Variants in WWOX observed in about 807,000 individuals in gnomAD.
The protein encoded by WWOX is WW domain containing oxidoreductase.
WWOX carries 69 observed loss-of-function variants against 46.2 expected under a neutral mutation model. The ratio of observed to expected loss-of-function variants is 1.49; its 90% CI spans 1.23 to 1.82. The LOEUF (loss-of-function observed/expected upper bound fraction) is 1.82. WWOX is among the 40% of genes most tolerant of loss of function. The pLI is 0.00. For synonymous variants in WWOX, 359 were observed against 202.6 expected, an observed-to-expected ratio of 1.77 and a Z score of -6.56; for missense variants, 919 against 542.6, an observed-to-expected ratio of 1.69 and a Z score of -6.89.
intron 5 of WWOX, among the ~76,000 whole-genome samples, chr16:78,379,982 A>G (rs2081919848): frequency 4.6e-5 from 7 of 152,234 alleles, no homozygotes; most frequent in Admixed American, 3.9e-4. Flanking sequence ...ATTCATCTTT[A>G]GAGGCAGTGT....
chr16:78,699,230 G>T (rs1400941190), intron 8 of WWOX, among the ~76,000 whole-genome samples: 1 of 152,184 alleles, frequency 6.6e-6, no homozygotes, highest in Non-Finnish European at 1.5e-5. Context: ...GCCTAACTCA[G>T]TTAAACATTA....
At chr16:78,448,228 C>A (rs2151406548) in intron 8 of WWOX, among the ~76,000 whole-genome samples, 1 of 152,194 alleles carries the variant, frequency 6.6e-6, no homozygotes, top group Non-Finnish European at 1.5e-5. Context: ...TGAAGCTGAC[C>A]AAAGGAGCAC....
chr16:79,034,602 C>T (rs1215759114), intron 8 of WWOX, among the ~76,000 whole-genome samples: 1 of 152,124 alleles, frequency 6.6e-6, no homozygotes, highest in African/African-American at 2.4e-5. Context: ...GAGTGATTAT[C>T]TGTTCCTGGA....
chr16:78,101,363 T>TTTTTTTTTTTTTTC (rs1555533361), intron 1 of WWOX, among the ~76,000 whole-genome samples: 2 of 143,422 alleles, frequency 1.4e-5, no homozygotes, highest in East Asian at 4.2e-4. Context: ...TTTTTTTTTT[T>TTTTTTTTTTTTTTC]AAAGACAGGG....
chr16:78,446,924 G>C (rs1344782475), intron 8 of WWOX, among the ~76,000 whole-genome samples: 3 of 152,106 alleles, frequency 2.0e-5, no homozygotes, highest in Non-Finnish European at 4.4e-5. Context: ...GCCTCCCAAA[G>C]TGCTGGGATG....
intron 8 of WWOX, among the ~76,000 whole-genome samples, chr16:78,757,428 C>T (rs528857479): frequency 3.3e-5 from 5 of 152,232 alleles, no homozygotes; most frequent in Admixed American, 1.3e-4. Flanking sequence ...TTCTGTACCT[C>T]TTGCCTCATC....
chr16:79,000,534 C>A (rs1299016872), intron 8 of WWOX, among the ~76,000 whole-genome samples: 1 of 152,068 alleles, frequency 6.6e-6, no homozygotes, highest in Non-Finnish European at 1.5e-5. Context: ...CCTGATGTTA[C>A]CAGCTTTAAA....
At chr16:78,124,692 G>T (rs1472986875) in intron 4 of WWOX, among the ~76,000 whole-genome samples, 1 of 152,180 alleles carries the variant, frequency 6.6e-6, no homozygotes, top group Admixed American at 6.5e-5. Flanking sequence ...GCATAGGAAG[G>T]GTTGCATTGT....
chr16:78,285,712 G>A (rs1319428512), intron 5 of WWOX, among the ~76,000 whole-genome samples: 3 of 152,062 alleles, frequency 2.0e-5, no homozygotes, highest in Admixed American at 1.3e-4. Flanking sequence ...AACAGTAATC[G>A]GCCCATATGT....
chr16:78,862,097 T>TATATCTATACACACCTAC (rs1491464693), intron 8 of WWOX, among the ~76,000 whole-genome samples: 7,769 of 151,702 alleles, frequency 0.051, 308 homozygotes, highest in Middle Eastern at 0.083. Context: ...CGGGTGTGTC[T>TATATCTATACACACCTAC]GTATCTATAC....
At chr16:78,507,194 G>T (rs1001242392) in intron 8 of WWOX, among the ~76,000 whole-genome samples, 1 of 152,178 alleles carries the variant, frequency 6.6e-6, no homozygotes, top group African/African-American at 2.4e-5. Context: ...GAACATGAGT[G>T]ATTTCTGTGT....
intron 8 of WWOX, among the ~76,000 whole-genome samples, chr16:78,867,047 G>A (rs1486558452): frequency 1.3e-5 from 2 of 152,208 alleles, no homozygotes; most frequent in Non-Finnish European, 2.9e-5. Flanking sequence ...CTTTGTGGAA[G>A]GAGAAGGCTT....
At chr16:78,962,256 C>T (rs1041672622) in intron 8 of WWOX, among the ~76,000 whole-genome samples, 2 of 138,910 alleles carry the variant, frequency 1.4e-5, no homozygotes, top group African/African-American at 5.3e-5. Context: ...ATCCCATTAG[C>T]TGAATTCTGT....
intron 8 of WWOX, among the ~76,000 whole-genome samples, chr16:78,813,706 T>C (rs369615435): frequency 1.3e-5 from 2 of 152,200 alleles, no homozygotes; most frequent in Non-Finnish European, 2.9e-5. Context: ...GTTTGTTTTC[T>C]ACTACCTGAT....
intron 5 of WWOX, among the ~76,000 whole-genome samples, chr16:78,322,068 T>G (rs2151884661): frequency 6.6e-6 from 1 of 152,244 alleles, no homozygotes; most frequent in African/African-American, 2.4e-5. Context: ...TGGCTCCTAG[T>G]TGTACAAAAA....
intron 8 of WWOX, among the ~76,000 whole-genome samples, chr16:78,716,057 A>G (rs140738783): frequency 6.6e-6 from 1 of 151,258 alleles, no homozygotes; most frequent in East Asian, 1.9e-4. Context: ...AGGAATGTCT[A>G]AAGGAAAGGG....
intron 8 of WWOX, among the ~76,000 whole-genome samples, chr16:78,538,540 C>G (rs2043814317): frequency 6.6e-6 from 1 of 152,148 alleles, no homozygotes; most frequent in African/African-American, 2.4e-5. Context: ...TGAACACCTT[C>G]CAGACGAGCA....
intron 5 of WWOX, among the ~76,000 whole-genome samples, chr16:78,373,646 T>A (rs78788103): frequency 0.013 from 2,002 of 152,152 alleles, 42 homozygotes; most frequent in African/African-American, 0.045. Context: ...TTTTTTTTTT[T>A]AATTCTAGTC....
intron 8 of WWOX, among the ~76,000 whole-genome samples, chr16:78,619,822 T>C (rs1416855943): frequency 6.6e-6 from 1 of 151,910 alleles, no homozygotes; most frequent in East Asian, 1.9e-4. Context: ...GGCAGGAGAA[T>C]CACTTGAGCA....
Sources: gnomAD v4.1 joint callset for allele counts (sites outside exome capture counted in the v4.1 genomes callset) on GRCh38, gnomAD v4.1.1 for gene constraint, MANE v1.5 for transcripts, NCBI Gene and HGNC (gene_info 2026-07-23, HGNC 2026-07-21) for gene names.